Variants in RBM38 observed in about 807,000 individuals in gnomAD.
RBM38 encodes RNA binding motif protein 38, also known as RNA-binding protein 38.
In RBM38, 11 loss-of-function variants were observed where a neutral mutation model predicts 23.5. The observed-to-expected ratio is 0.47, with a 90% CI of 0.29 to 0.77. The LOEUF is 0.77. RBM38 is among the 30% of genes least tolerant of loss of function. The probability of loss-of-function intolerance (pLI) is 0.08; values close to 1 mark genes in which losing one functional copy is unlikely to be tolerated. For missense variants in RBM38, 330 were observed against 351.9 expected, an observed-to-expected ratio of 0.94 and a Z score of 0.50; for synonymous variants, 165 against 166.1, an observed-to-expected ratio of 0.99 and a Z score of 0.05.
intron 1 of RBM38, chr20:57,392,446 A>G (rs2067229765): frequency 6.5e-7 from 1 of 1,531,490 alleles, no homozygotes; most frequent in East Asian, 2.5e-5. Context: ...TTGAACTTTG[A>G]CGGGAGGAGC....
chr20:57,406,629 A>G (rs953847746), intron 3 of RBM38, among the ~76,000 whole-genome samples: 1 of 152,188 alleles, frequency 6.6e-6, no homozygotes, highest in African/African-American at 2.4e-5. Flanking sequence ...TTGCTCCAGC[A>G]TTCACGCAGT....
At chr20:57,394,992 G>A (rs954325954) in intron 3 of RBM38, among the ~76,000 whole-genome samples, 1 of 152,210 alleles carries the variant, frequency 6.6e-6, no homozygotes, top group Admixed American at 6.5e-5. Flanking sequence ...AGGTGGGTTC[G>A]AATCCTGACT....
chr20:57,391,513 GCGCTCCCCGC>G lies in RBM38; in HGVS notation c.-65_-56del. 2 of 399,280 alleles carry G rather than the reference GCGCTCCCCGC, an allele frequency of 5.0e-6. No homozygotes were observed. Among genetic ancestry groups the G allele is most frequent in the Non-Finnish European group, 6.8e-6 (2 of 295,686 alleles). 24.7% of individuals were successfully genotyped at this position (399,280 alleles called of 1,614,324 possible). A position where few individuals can be genotyped will look rare whatever the true frequency, so the allele number is the denominator to read the frequency against. ...GGACGGGCGCCCCTCGCTGCCCCGC[GCGCTCCCCGC>G]CGCCCCCCATGAGCGCAGCCCCGCG... is the stretch of plus-strand genomic sequence containing the variant. On this transcript the variant is annotated 5_prime_UTR_variant, in exon 1 of 4. Transcript: ENST00000356208.
Position 57,392,644 on chromosome 20 carries a change from G to C in RBM38, c.238-10G>C, listed in dbSNP as rs1303301647. 1.2e-6 allele frequency: 2 copies of C among 1,609,680 alleles called. No homozygotes were observed. The highest frequency in any genetic ancestry group is 1.3e-5 in the African/African-American group (1 of 74,662). Reference sequence around the variant, plus strand: ...CCACGGCAGCCCCTGATGTGTCTCTGCTCCACCAGGTGACCATGGCCGACC... The same window carrying C: ...CCACGGCAGCCCCTGATGTGTCTCTCCTCCACCAGGTGACCATGGCCGACC... On this transcript the variant is annotated splice_polypyrimidine_tract_variant and intron_variant, in intron 1 of 3. Coordinates refer to ENST00000356208, the MANE Select transcript of RBM38 (RefSeq NM_017495.6).
In RBM38 at chr20:57,407,007, A is replaced by C. The variant is rs551123250; in HGVS notation, c.417-536A>C. ...AGACTCTGTCTCAAAAAAAAAAAAA[A>C]AAACAAACCCTGTGAGGAGCAGGTG... On this transcript the variant is annotated intron_variant, in intron 3 of 3. Transcript: ENST00000356208. This position sits in a 1 kb window ranked among gnomAD's most constrained non-coding sequence, Gnocchi z 4.0. 1.3e-3 allele frequency among the ~76,000 whole-genome samples: 189 copies of C among 150,402 alleles called. 1 individual carries two copies. Among genetic ancestry groups the C allele is most frequent in the African/African-American group, 4.3e-3 (174 of 40,206 alleles).
At position 57,391,439 on chromosome 20, in the gene RBM38, G is replaced by GCGGCGCAGCTCGGCGCAGC. The variant is rs1252432992; in HGVS notation, c.-143_-142insCGGCGCAGCTCGGCGCAGC. 3.3e-5 allele frequency: 5 copies of GCGGCGCAGCTCGGCGCAGC among 150,232 alleles called. No homozygotes were observed. The highest frequency in any genetic ancestry group is 1.2e-4 in the African/African-American group (5 of 40,890). The allele number at this position is 150,232 out of a possible 1,614,324, so 9.3% of individuals were successfully genotyped here. A position where few individuals can be genotyped will look rare whatever the true frequency, so the allele number is the denominator to read the frequency against. Reference sequence around the variant, plus strand: ...CGGTCGGGAGCGCAGCGCGGCGCACGTCGGCGCGCACGGCGGGACGGGCGC... The same window carrying GCGGCGCAGCTCGGCGCAGC: ...CGGTCGGGAGCGCAGCGCGGCGCACGCGGCGCAGCTCGGCGCAGCTCGGCGCGCACGGCGGGACGGGCGC... On this transcript the variant is annotated 5_prime_UTR_variant, in exon 1 of 4. Transcript: ENST00000356208.
chr20:57,405,004 G>A (rs1361931418), intron 3 of RBM38, among the ~76,000 whole-genome samples: 8 of 152,200 alleles, frequency 5.3e-5, no homozygotes, highest in Non-Finnish European at 1.0e-4. Flanking sequence ...GCTGCCGGCT[G>A]CCCTCATCCA....
At chr20:57,392,896 C>CCGGCT in intron 2 of RBM38, 119 bp downstream of exon 2, 6 of 1,369,032 alleles carry the variant, frequency 4.4e-6, no homozygotes, top group Non-Finnish European at 6.0e-6. Context: ...CTATCATGTG[C>CCGGCT]CTGCAGAGCC....
intron 3 of RBM38, among the ~76,000 whole-genome samples, chr20:57,400,292 G>A (rs2067314535): frequency 1.3e-5 from 2 of 152,210 alleles, no homozygotes; most frequent in Non-Finnish European, 2.9e-5. Context: ...CTGACCCTGG[G>A]TGTGTTGGGG....
intron 3 of RBM38, among the ~76,000 whole-genome samples, chr20:57,406,819 T>C (rs943214211): frequency 2.0e-5 from 3 of 151,890 alleles, no homozygotes; most frequent in Non-Finnish European, 4.4e-5. Context: ...CGGTGAAACC[T>C]CATCTCTACT....
Position 57,408,638 on chromosome 20 carries a change from A to G in RBM38, c.*792A>G, listed in dbSNP as rs1458168427. The G allele has an allele frequency of 6.6e-6, 1 of 151,506 alleles. No individual in the cohort carries two copies. The highest frequency in any genetic ancestry group is 1.5e-5 in the Non-Finnish European group (1 of 67,990). The allele number at this position is 151,506 out of a possible 1,614,324, so 9.4% of individuals were successfully genotyped here. A position where few individuals can be genotyped will look rare whatever the true frequency, so the allele number is the denominator to read the frequency against. On this transcript the variant is annotated 3_prime_UTR_variant, in exon 4 of 4. Transcript: ENST00000356208. The stretch of plus-strand genomic sequence containing the variant: ...GTTGGTTCCGCCCGTGGAGACGACG[A>G]TAGTGTTTCTGTATAATAAAGTGTC...
At chr20:57,395,927 C>T (rs546210948) in intron 3 of RBM38, among the ~76,000 whole-genome samples, 2 of 152,184 alleles carry the variant, frequency 1.3e-5, no homozygotes, top group South Asian at 2.1e-4. Context: ...GAGGTGGGAG[C>T]CAGGAGCCCA....
Position 57,393,352 on chromosome 20 carries a change from C to A in RBM38, c.416+19C>A. 6 of 1,613,272 alleles carry A rather than the reference C, an allele frequency of 3.7e-6. No homozygotes were observed. The highest frequency in any genetic ancestry group is 5.1e-6 in the Non-Finnish European group (6 of 1,179,370). On this transcript the variant is annotated intron_variant, in intron 3 of 3. Coordinates refer to ENST00000356208, the MANE Select transcript of RBM38 (RefSeq NM_017495.6). ...CTTACGGGTGAGTGGACATGGCTGGCTTGGGGTGGGTAGTCCGTGGAGATG... is the reference window on the plus strand; with the variant it reads ...CTTACGGGTGAGTGGACATGGCTGGATTGGGGTGGGTAGTCCGTGGAGATG...
intron 1 of RBM38, chr20:57,392,270 C>A (rs767382119): frequency 4.2e-6 from 2 of 473,122 alleles, no homozygotes; most frequent in African/African-American, 2.0e-5. Flanking sequence ...AAGACACTTT[C>A]CTGCTTACCT....
Position 57,392,716 on chromosome 20 carries a change from C to G in RBM38, c.300C>G (p.Asp100Glu), listed in dbSNP as rs769919426. 4.3e-6 allele frequency: 7 copies of G among 1,612,944 alleles called. No homozygotes were observed. The highest frequency in any genetic ancestry group is 4.2e-6 in the Non-Finnish European group (5 of 1,179,846). The change falls in exon 2 of 4, where the codon GAC becomes GAG. Residue 100 changes from aspartate (D) to glutamate (E), a missense_variant. Transcript: ENST00000356208. ...GCAAAGACCCGAACCCCATCATCGA[C>G]GGCCGCAAGGCCAACGTGAACCTGG... ...RACKDPNPII[D>E]GRKANVNLAY... is the part of the protein sequence containing the mutation.
intron 3 of RBM38, among the ~76,000 whole-genome samples, chr20:57,394,736 C>T (rs1443317106): frequency 6.6e-6 from 1 of 152,158 alleles, no homozygotes; most frequent in East Asian, 1.9e-4. Flanking sequence ...GTTCAGGCCA[C>T]ATGAAGAGGG....
intron 3 of RBM38, among the ~76,000 whole-genome samples, chr20:57,402,017 A>G (rs941999209): frequency 2.0e-5 from 3 of 152,074 alleles, no homozygotes; most frequent in Admixed American, 6.5e-5. Context: ...TCTTGATCTC[A>G]GCTCACTGCA....
At chr20:57,393,826 G>T (rs1432188041) in intron 3 of RBM38, among the ~76,000 whole-genome samples, 1 of 152,176 alleles carries the variant, frequency 6.6e-6, no homozygotes, top group African/African-American at 2.4e-5. Context: ...CTGTAGATAC[G>T]ATGTGTTTGG....
Position 57,408,221 on chromosome 20 carries a change from C to T in RBM38, c.*375C>T. The T allele has an allele frequency of 2.7e-6, 1 of 364,118 alleles. No individual in the cohort carries two copies. Among genetic ancestry groups the T allele is most frequent in the Non-Finnish European group, 5.2e-6 (1 of 190,588 alleles). The allele number at this position is 364,118 out of a possible 1,614,324, so 22.6% of individuals were successfully genotyped here. ...GCGGGGTGTCACAGACCCTCTGCAGCCCCTGGCTGCCCTGGACTGTGCAGA... is the reference window on the plus strand; with the variant it reads ...GCGGGGTGTCACAGACCCTCTGCAGTCCCTGGCTGCCCTGGACTGTGCAGA... On this transcript the variant is annotated 3_prime_UTR_variant, in exon 4 of 4. Transcript: ENST00000356208.
Sources: gnomAD v4.1 joint callset for allele counts (sites outside exome capture counted in the v4.1 genomes callset) on GRCh38, gnomAD v4.1.1 for gene constraint, Gnocchi (gnomAD v3.1) non-coding constraint, MANE v1.5 for transcripts, NCBI Gene and HGNC (gene_info 2026-07-23, HGNC 2026-07-21) for gene names.